The following TMC2 variants were observed in gnomAD, a reference collection of about 807,000 sequenced individuals.
TMC2 encodes the protein transmembrane channel like 2, also known as transmembrane channel-like protein 2.
TMC2 carries 102 observed loss-of-function variants against 105.9 expected under a neutral mutation model. The observed-to-expected ratio is 0.96, with a 90% CI of 0.82 to 1.14. TMC2 has a LOEUF of 1.14. TMC2 is among the 50% of genes most tolerant of loss of function. The pLI is 0.00. For missense variants in TMC2, 1,093 were observed against 1,134.3 expected (o/e 0.96, Z 0.52); for synonymous variants, 402 against 422.8 (o/e 0.95, Z 0.60).
intron 2 of TMC2, among the ~76,000 whole-genome samples, chr20:2,556,763 G>T (rs1378164602): frequency 1.3e-5 from 2 of 152,064 alleles, no homozygotes; most frequent in African/African-American, 4.8e-5. Context: ...AACTTTTTTT[G>T]CAAGGCAGGT....
intron 2 of TMC2, among the ~76,000 whole-genome samples, chr20:2,545,851 A>G (rs200020737): frequency 1.6e-4 from 16 of 101,548 alleles, no homozygotes; most frequent in Non-Finnish European, 3.2e-4. Context: ...GAAAGAAAGA[A>G]AGAGAAAGAA....
chr20:2,618,679 G>A (rs1200570001), intron 16 of TMC2, among the ~76,000 whole-genome samples: 2 of 152,192 alleles, frequency 1.3e-5, no homozygotes, highest in Non-Finnish European at 2.9e-5. Context: ...AAGAGATAAT[G>A]TGCATCTACT....
intron 4 of TMC2, among the ~76,000 whole-genome samples, chr20:2,566,137 T>C (rs1278117667): frequency 6.6e-6 from 1 of 152,216 alleles, no homozygotes; most frequent in African/African-American, 2.4e-5. Context: ...CTGGAGACTT[T>C]GGTTGGCTAC....
chr20:2,602,301 G>C lies in TMC2; in HGVS notation c.1413G>C (p.Glu471Asp). ...MQNVSWYERN[E>D]VEIVMSLLGM... ...ATGTCAGCTGGTATGAAAGGAATGAGGTAAGAAAAACATCGCTGATGAACT... is the reference window on the plus strand; with the variant it reads ...ATGTCAGCTGGTATGAAAGGAATGACGTAAGAAAAACATCGCTGATGAACT... Residue 471 changes from glutamate (E) to aspartate (D), a missense_variant and splice_region_variant, in exon 11 of 20, where the codon GAG (glutamate) becomes GAC (aspartate). Physicochemically the swap from Glu to Asp is conservative, Grantham distance 45. Transcript: ENST00000358864. 1.3e-6 allele frequency: 2 copies of C among 1,578,326 alleles called. No individual in the cohort carries two copies. Among genetic ancestry groups the C allele is most frequent in the Non-Finnish European group, 1.7e-6 (2 of 1,162,364 alleles).
rs61643097 is a variant in TMC2, at chr20:2,569,321, T to C, written c.555-2858T>C. On this transcript the variant is annotated intron_variant, in intron 4 of 19. Coordinates refer to ENST00000358864, the MANE Select transcript of TMC2 (RefSeq NM_080751.3). ...GACAAATTGATTCATTTGTTTCTCA[T>C]CCAACTTTAACAGGGTGCTCATTCA... Among the ~76,000 whole-genome samples the C allele has an allele frequency of 7.0e-3, 1,063 of 152,348 alleles. 17 individuals are homozygous for C. Among genetic ancestry groups the C allele is most frequent in the African/African-American group, 0.025 (1,023 of 41,576 alleles).
At position 2,560,030 on chromosome 20, in the gene TMC2, TAAGAC is replaced by T. The variant is rs1163656298; in HGVS notation, c.401+1260_401+1264del. Among the ~76,000 whole-genome samples the T allele has an allele frequency of 3.3e-5, 5 of 152,238 alleles. No homozygotes were observed. The South Asian group carries it at 1.0e-3, about 32-fold the overall frequency. ...GATAACACATAGGCATTGGTAATCCTAAGACAAGGCAGAAAGCAATATGCATGCAA... is the reference window on the plus strand; with the variant it reads ...GATAACACATAGGCATTGGTAATCCTAAGGCAGAAAGCAATATGCATGCAA... On this transcript the variant is annotated intron_variant, in intron 3 of 19. Transcript: ENST00000358864.
At chr20:2,580,351 T>C (rs1485863459) in intron 7 of TMC2, among the ~76,000 whole-genome samples, 2 of 152,184 alleles carry the variant, frequency 1.3e-5, no homozygotes, top group Non-Finnish European at 2.9e-5. Flanking sequence ...ATTACCCAGA[T>C]AGTTAAATAC....
chr20:2,538,764 A>C (rs1220161389), intron 2 of TMC2, among the ~76,000 whole-genome samples: 2 of 152,176 alleles, frequency 1.3e-5, no homozygotes, highest in Non-Finnish European at 2.9e-5. Context: ...TTCACTTCAC[A>C]GATCTAAGTG....
intron 4 of TMC2, among the ~76,000 whole-genome samples, chr20:2,571,746 A>G (rs528679786): frequency 1.3e-5 from 2 of 152,362 alleles, no homozygotes; most frequent in African/African-American, 4.8e-5. Context: ...CACACCTGTA[A>G]TCCCAGCACT....
intron 19 of TMC2, among the ~76,000 whole-genome samples, chr20:2,640,814 T>C (rs1041444963): frequency 6.6e-6 from 1 of 152,202 alleles, no homozygotes; most frequent in East Asian, 1.9e-4. Context: ...GTCATCACTT[T>C]TGACCCCGGC....
At chr20:2,578,336 T>C (rs866535584) in intron 5 of TMC2, among the ~76,000 whole-genome samples, 5 of 152,172 alleles carry the variant, frequency 3.3e-5, no homozygotes, top group Middle Eastern at 3.4e-3. Context: ...ACAATAATAA[T>C]AATAATGGGA....
intron 4 of TMC2, among the ~76,000 whole-genome samples, chr20:2,568,766 A>G (rs149337223): frequency 5.9e-5 from 9 of 152,288 alleles, no homozygotes; most frequent in South Asian, 4.1e-4. Flanking sequence ...AAGGGGGGGA[A>G]CAGGGAGAAG....
chr20:2,587,504 TAGACCTC>T (rs1286054826), intron 7 of TMC2, among the ~76,000 whole-genome samples: 1 of 145,262 alleles, frequency 6.9e-6, no homozygotes, highest in Non-Finnish European at 1.5e-5. Context: ...GGATCACTAT[TAGACCTC>T]ATAAAGTGAT....
intron 9 of TMC2, 99 bp from the exon 10 acceptor site, chr20:2,597,052 T>A (rs1040177156): frequency 6.7e-6 from 9 of 1,339,418 alleles, no homozygotes; most frequent in Non-Finnish European, 8.3e-6. Context: ...GCTACCTGTT[T>A]ATCTGTTACC....
chr20:2,626,271 T>A (rs1164635878), intron 17 of TMC2, among the ~76,000 whole-genome samples: 1 of 152,272 alleles, frequency 6.6e-6, no homozygotes, highest in Non-Finnish European at 1.5e-5. Flanking sequence ...GCAGGAATCA[T>A]TCTTTTCCTC....
chr20:2,539,985 CTTTTCTTT>C lies in TMC2; in HGVS notation c.82+2674_82+2681del, dbSNP rs1406555494. Among the ~76,000 whole-genome samples, 9 of 113,690 alleles carry C rather than the reference CTTTTCTTT, an allele frequency of 7.9e-5. No homozygotes were observed. The Middle Eastern group carries it at 0.013, about 163-fold the overall frequency. The allele number at this position is 113,690 out of a possible 152,430, so 74.6% of individuals were successfully genotyped here. ...GCACACAAGACTATTCTTTTCTTTT[CTTTTCTTT>C]TTTTTTTTTTTTTTTGAGATGGAGT... On this transcript the variant is annotated intron_variant, in intron 2 of 19. Transcript: ENST00000358864.
intron 2 of TMC2, among the ~76,000 whole-genome samples, chr20:2,550,585 G>A (rs1233422115): frequency 3.3e-5 from 5 of 152,108 alleles, no homozygotes. Context: ...CATCATCACA[G>A]TATGACACAG....
chr20:2,598,641 C>T (rs961558224), intron 10 of TMC2, among the ~76,000 whole-genome samples: 1 of 152,048 alleles, frequency 6.6e-6, no homozygotes, highest in Admixed American at 6.6e-5. Context: ...CTCCTGACCT[C>T]AAGTGATCTG....
intron 7 of TMC2, among the ~76,000 whole-genome samples, chr20:2,590,609 A>T (rs961362319): frequency 2.0e-5 from 3 of 152,252 alleles, no homozygotes; most frequent in African/African-American, 7.2e-5. Context: ...CAAAAGAAAC[A>T]TGATATATCC....
Sources: gnomAD v4.1 joint callset for allele counts (sites outside exome capture counted in the v4.1 genomes callset) on GRCh38, gnomAD v4.1.1 for gene constraint, MANE v1.5 for transcripts, NCBI Gene and HGNC (gene_info 2026-07-23, HGNC 2026-07-21) for gene names.